Variants in TTC39B observed in about 807,000 individuals in gnomAD.
TTC39B encodes tetratricopeptide repeat protein 39B.
TTC39B carries 92 observed loss-of-function variants against 96.6 expected under a neutral mutation model. The observed-to-expected ratio is 0.95, with a 90% CI of 0.80 to 1.13. The LOEUF (loss-of-function observed/expected upper bound fraction) is 1.13. TTC39B is among the 50% of genes most tolerant of loss of function. The pLI is 0.00. For synonymous variants in TTC39B, 367 were observed against 299.4 expected, an observed-to-expected ratio of 1.23 and a Z score of -2.33; for missense variants, 955 against 809.3, an observed-to-expected ratio of 1.18 and a Z score of -2.18.
chr9:15,214,364 G>GTC, intron 3 of TTC39B, 115 bp from the exon 4 acceptor site: 1 of 677,660 alleles, frequency 1.5e-6, no homozygotes, highest in Non-Finnish European at 2.5e-6. Flanking sequence ...GTGTGTGTCT[G>GTC]TGTGTGTGTC....
At chr9:15,269,043 C>G (rs938261352) in intron 1 of TTC39B, among the ~76,000 whole-genome samples, 1 of 152,206 alleles carries the variant, frequency 6.6e-6, no homozygotes, top group African/African-American at 2.4e-5. Flanking sequence ...TCCCACAGCT[C>G]TCTGCACTGT....
chr9:15,280,486 T>G (rs1823718737), intron 1 of TTC39B, among the ~76,000 whole-genome samples: 1 of 152,238 alleles, frequency 6.6e-6, no homozygotes, highest in Non-Finnish European at 1.5e-5. Context: ...GAGAAATTAT[T>G]TAGCCCAAAA....
intron 2 of TTC39B, among the ~76,000 whole-genome samples, chr9:15,230,104 C>T (rs955170252): frequency 1.3e-5 from 2 of 152,172 alleles, no homozygotes; most frequent in Non-Finnish European, 2.9e-5. Context: ...AAGAGCCATG[C>T]TAAATCTTTA....
chr9:15,175,259 C>T lies in TTC39B; in HGVS notation c.1842-124G>A, dbSNP rs147166509. 6.9e-4 allele frequency: 451 copies of T among 651,368 alleles called. 2 individuals carry two copies. The highest frequency in any genetic ancestry group is 6.9e-3 in the African/African-American group (379 of 54,900). 40.3% of individuals were successfully genotyped at this position (651,368 alleles called of 1,614,324 possible). A position where few individuals can be genotyped will look rare whatever the true frequency, so the allele number is the denominator to read the frequency against. On this transcript the variant is annotated intron_variant, in intron 18 of 19. Coordinates refer to ENST00000512701, the Ensembl canonical transcript of TTC39B. ...CACTAAGTCTATTATCATAGAAAGG[C>T]GGCCATTGTATAGTTATGGAACTCA...
At chr9:15,218,635 A>AAAAAAAAAAT (rs374054306) in intron 3 of TTC39B, among the ~76,000 whole-genome samples, 2 of 149,446 alleles carry the variant, frequency 1.3e-5, no homozygotes, top group African/African-American at 4.9e-5. Context: ...GTCTATTTTA[A>AAAAAAAAAAT]ATATATATAT....
intron 1 of TTC39B, among the ~76,000 whole-genome samples, chr9:15,277,268 A>C (rs1823579861): frequency 6.6e-6 from 1 of 152,204 alleles, no homozygotes; most frequent in Non-Finnish European, 1.5e-5. Context: ...GCATCTACTA[A>C]AAATACAAAA....
intron 2 of TTC39B, among the ~76,000 whole-genome samples, chr9:15,259,442 A>G (rs1652694853): frequency 6.6e-6 from 1 of 152,242 alleles, no homozygotes; most frequent in Admixed American, 6.5e-5. Context: ...CAACTTACCA[A>G]TTCCACTTCT....
At chr9:15,234,551 G>T (rs1237990309) in intron 2 of TTC39B, among the ~76,000 whole-genome samples, 4 of 152,172 alleles carry the variant, frequency 2.6e-5, no homozygotes, top group East Asian at 3.9e-4. Context: ...CATTGAGAAC[G>T]GGCCATGATG....
At chr9:15,192,860 G>A (rs1318683161) in intron 8 of TTC39B, among the ~76,000 whole-genome samples, 165 bp from the exon 9 acceptor site, 1 of 152,132 alleles carries the variant, frequency 6.6e-6, no homozygotes. Context: ...AGGATACTAG[G>A]TAATAATCAT....
intron 2 of TTC39B, among the ~76,000 whole-genome samples, chr9:15,235,399 A>G (rs902045781): frequency 2.6e-5 from 4 of 152,214 alleles, no homozygotes; most frequent in African/African-American, 4.8e-5. Context: ...ATTTGAGGGA[A>G]TAATTCAGGA....
chr9:15,166,998 A>T (rs1262665225), exon 20 of TTC39B: 22 of 4,568 alleles, frequency 4.8e-3, no homozygotes, highest in African/African-American at 0.023. Context: ...ATATATATAT[A>T]TATATATATA....
chr9:15,264,900 A>T (rs1427731757), intron 2 of TTC39B, among the ~76,000 whole-genome samples: 1 of 152,126 alleles, frequency 6.6e-6, no homozygotes, highest in African/African-American at 2.4e-5. Context: ...GAACCAGACA[A>T]TGCTAATATT....
intron 1 of TTC39B, among the ~76,000 whole-genome samples, chr9:15,272,662 A>C (rs1823399236): frequency 6.6e-6 from 1 of 152,130 alleles, no homozygotes; most frequent in Non-Finnish European, 1.5e-5. Context: ...CTTGTTCAAG[A>C]GCCTATCTTG....
At chr9:15,224,400 C>T (rs1380217235) in intron 3 of TTC39B, 6 of 152,392 alleles carry the variant, frequency 3.9e-5, no homozygotes, top group Non-Finnish European at 7.3e-5. Flanking sequence ...CTCTCTCACA[C>T]ATCTATGTAG....
At chr9:15,196,324 T>C (rs964712536) in intron 8 of TTC39B, among the ~76,000 whole-genome samples, 2 of 152,252 alleles carry the variant, frequency 1.3e-5, no homozygotes, top group Non-Finnish European at 2.9e-5. Flanking sequence ...GCCATAGTGA[T>C]TCCTCTAATG....
chr9:15,204,666 GA>G (rs1355361651), intron 6 of TTC39B, among the ~76,000 whole-genome samples: 1 of 152,126 alleles, frequency 6.6e-6, no homozygotes, highest in East Asian at 1.9e-4. Context: ...TACCTGAAAA[GA>G]AAGCAGCAAT....
chr9:15,293,118 G>A (rs486349), intron 1 of TTC39B, among the ~76,000 whole-genome samples: 132,673 of 152,204 alleles, frequency 0.87, 57,898 homozygotes, highest in East Asian at 0.97. Context: ...ATTTTACTGT[G>A]CCTTTTCTAT....
At chr9:15,194,640 A>G (rs1313972458) in intron 8 of TTC39B, among the ~76,000 whole-genome samples, 2 of 152,206 alleles carry the variant, frequency 1.3e-5, no homozygotes, top group East Asian at 3.8e-4. Flanking sequence ...CATTTTTCCA[A>G]CAATATGTGC....
chr9:15,226,046 T>A (rs372956451), intron 2 of TTC39B, 34 bp from the exon 3 acceptor site: 7 of 1,600,198 alleles, frequency 4.4e-6, no homozygotes, highest in Non-Finnish European at 6.0e-6. Flanking sequence ...AGGTTTTTTA[T>A]TTCTTTGTCC....
Sources: allele counts gnomAD v4.1 joint callset (sites outside exome capture counted in the v4.1 genomes callset), GRCh38; gene constraint gnomAD v4.1.1; transcripts MANE v1.5; gene names NCBI Gene and HGNC (gene_info 2026-07-23, HGNC 2026-07-21).